The following WDFY3 variants were observed in gnomAD, a reference collection of about 807,000 sequenced individuals.
The protein encoded by WDFY3 is WD repeat and FYVE domain containing 3.
WDFY3 carries 66 observed loss-of-function variants against 409.6 expected under a neutral mutation model. The observed-to-expected ratio is 0.16, with a 90% CI of 0.13 to 0.20. The LOEUF (loss-of-function observed/expected upper bound fraction) is 0.20. WDFY3 is among the 10% of genes least tolerant of loss of function. The pLI is 1.00. For synonymous variants in WDFY3, 1,521 were observed against 1,537.1 expected, an observed-to-expected ratio of 0.99 and a Z score of 0.25; for missense variants, 3,031 against 4,298.1, an observed-to-expected ratio of 0.71 and a Z score of 8.24.
intron 13 of WDFY3, among the ~76,000 whole-genome samples, chr4:84,812,016 T>C (rs190978855): frequency 3.3e-5 from 5 of 152,288 alleles, no homozygotes; most frequent in Admixed American, 6.5e-5. Context: ...CTCAAAAAGA[T>C]TGCAGCATTT....
At chr4:84,816,605 A>G (rs1165728403) in intron 13 of WDFY3, among the ~76,000 whole-genome samples, 1 of 152,152 alleles carries the variant, frequency 6.6e-6, no homozygotes, top group East Asian at 1.9e-4. Context: ...ATATCATTTA[A>G]TATTTAATAG....
intron 44 of WDFY3, among the ~76,000 whole-genome samples, chr4:84,728,728 A>G (rs1489289821): frequency 6.6e-6 from 1 of 152,002 alleles, no homozygotes; most frequent in Non-Finnish European, 1.5e-5. Context: ...TTTAATACAT[A>G]TTTGCTCACT....
chr4:84,716,899 C>T lies in WDFY3; in HGVS notation c.7872G>A (p.Leu2624=). The change falls in exon 49 of 68, where the codon CTG becomes CTA. Residue 2624 remains leucine (L), a synonymous_variant. Transcript: ENST00000295888. ...IKEVHKRRYL[L]QPIAVEVFSG... The stretch of plus-strand genomic sequence containing the variant: ...CAGTACTACTAAATTGACTCACCTG[C>T]AGGAGATATCTCCTTTTATGAACTT... The T allele has an allele frequency of 1.3e-6, 2 of 1,587,162 alleles. No homozygotes were observed. Among genetic ancestry groups the T allele is most frequent in the Admixed American group, 1.8e-5 (1 of 57,086 alleles).
intron 4 of WDFY3, among the ~76,000 whole-genome samples, chr4:84,851,835 C>T (rs1023993859): frequency 2.6e-5 from 4 of 151,962 alleles, no homozygotes; most frequent in African/African-American, 4.8e-5. Context: ...TACCAAAGCC[C>T]GTAAACACTG....
intron 1 of WDFY3, among the ~76,000 whole-genome samples, chr4:84,936,036 A>T (rs1771360441): frequency 6.6e-6 from 1 of 152,170 alleles, no homozygotes; most frequent in Non-Finnish European, 1.5e-5. Flanking sequence ...TTGTCAGAGG[A>T]TTAAGTTTAA....
chr4:84,782,749 G>A (rs1318550073), intron 25 of WDFY3, among the ~76,000 whole-genome samples: 1 of 152,134 alleles, frequency 6.6e-6, no homozygotes, highest in Non-Finnish European at 1.5e-5. Flanking sequence ...ATTCCTTGGT[G>A]GATATGTAAA....
At position 84,849,569 on chromosome 4, in the gene WDFY3, T is replaced by TAAA. The variant is rs5859953; in HGVS notation, c.304+330_304+332dup. On this transcript the variant is annotated intron_variant, in intron 5 of 67. Transcript: ENST00000295888. ...AAACAAGCAATAGAGCAGGGTATGC[T>TAAA]AAAAAAAAAAAAAAAAAAAAGACCA... 673 of 110,074 alleles carry TAAA rather than the reference T, an allele frequency of 6.1e-3. 11 individuals are homozygous for TAAA. The highest frequency in any genetic ancestry group is 0.02 in the African/African-American group (532 of 27,152). The allele number at this position is 110,074 out of a possible 1,614,324, so 6.8% of individuals were successfully genotyped here. A position where few individuals can be genotyped will look rare whatever the true frequency, so the allele number is the denominator to read the frequency against.
At chr4:84,950,467 C>T (rs983018598) in intron 1 of WDFY3, among the ~76,000 whole-genome samples, 6 of 151,482 alleles carry the variant, frequency 4.0e-5, no homozygotes, top group African/African-American at 1.5e-4. Flanking sequence ...AGTATATGAA[C>T]TCTTTGAAAG....
At chr4:84,802,098 C>G (rs1237048889) in intron 16 of WDFY3, among the ~76,000 whole-genome samples, 3 of 151,918 alleles carry the variant, frequency 2.0e-5, no homozygotes, top group Non-Finnish European at 4.4e-5. Context: ...CAGGCGCCCA[C>G]CACCACGCCC....
chr4:84,824,372 T>C (rs891314807), intron 10 of WDFY3, among the ~76,000 whole-genome samples: 3 of 152,186 alleles, frequency 2.0e-5, no homozygotes, highest in African/African-American at 7.2e-5. Context: ...CTTTATCATA[T>C]GTATGATGTG....
At chr4:84,698,087 A>G (rs977194434) in intron 56 of WDFY3, among the ~76,000 whole-genome samples, 1 of 152,102 alleles carries the variant, frequency 6.6e-6, no homozygotes, top group African/African-American at 2.4e-5. Context: ...AATGCCCACT[A>G]GGTCTAATTT....
chr4:84,957,862 C>G (rs1774439444), intron 1 of WDFY3, among the ~76,000 whole-genome samples: 3 of 152,038 alleles, frequency 2.0e-5, no homozygotes, highest in Admixed American at 2.0e-4. Context: ...ATTAGTGTTA[C>G]AGTTATTAAA....
chr4:84,825,519 T>C (rs1387995972), intron 10 of WDFY3, among the ~76,000 whole-genome samples: 2 of 151,966 alleles, frequency 1.3e-5, no homozygotes, highest in Non-Finnish European at 2.9e-5. Flanking sequence ...ACACTATTTT[T>C]TTCTTGATAG....
chr4:84,955,274 C>T (rs1021097387), intron 1 of WDFY3, among the ~76,000 whole-genome samples: 23 of 151,022 alleles, frequency 1.5e-4, no homozygotes, highest in African/African-American at 4.4e-4. Flanking sequence ...TAAAGAAGAA[C>T]AGTAAAGAGG....
intron 13 of WDFY3, among the ~76,000 whole-genome samples, chr4:84,815,894 C>T (rs536845938): frequency 1.3e-5 from 2 of 152,074 alleles, no homozygotes; most frequent in Non-Finnish European, 2.9e-5. Context: ...ACTTCTAAAA[C>T]TTTCATCTAC....
chr4:84,876,560 A>G (rs1202872839), intron 3 of WDFY3, among the ~76,000 whole-genome samples: 3 of 152,276 alleles, frequency 2.0e-5, no homozygotes, highest in African/African-American at 4.8e-5. Flanking sequence ...ATTCTACCGT[A>G]ATGTACATTT....
At chr4:84,780,575 G>A (rs1746317470) in intron 25 of WDFY3, among the ~76,000 whole-genome samples, 2 of 151,844 alleles carry the variant, frequency 1.3e-5, no homozygotes, top group Non-Finnish European at 2.9e-5. Context: ...TGACCAACAT[G>A]GTGAAACCCC....
chr4:84,876,111 A>C (rs1368811445), intron 3 of WDFY3, among the ~76,000 whole-genome samples: 1 of 152,212 alleles, frequency 6.6e-6, no homozygotes, highest in Non-Finnish European at 1.5e-5. Context: ...GCAGCATAGA[A>C]GGCTTGTTTA....
intron 46 of WDFY3, among the ~76,000 whole-genome samples, chr4:84,723,675 T>A (rs902760119): frequency 6.6e-6 from 1 of 152,162 alleles, no homozygotes; most frequent in Non-Finnish European, 1.5e-5. Flanking sequence ...AGTGGAAACA[T>A]ACAGCAGTGA....
Sources: allele counts gnomAD v4.1 joint callset (sites outside exome capture counted in the v4.1 genomes callset), GRCh38; gene constraint gnomAD v4.1.1; transcripts MANE v1.5; gene names NCBI Gene and HGNC (gene_info 2026-07-23, HGNC 2026-07-21).